AKNAD1: variants seen among roughly 807,000 people sequenced by gnomAD.
The protein encoded by AKNAD1 is AKNA domain containing 1, also known as protein AKNAD1.
Under a neutral mutation model 90.8 loss-of-function variants are expected in AKNAD1, and 67 were observed. The observed-to-expected ratio is 0.74, with a 90% CI of 0.61 to 0.90. AKNAD1 has a LOEUF of 0.90. Ranked by LOEUF, AKNAD1 falls within the 40% of genes least tolerant of loss-of-function variation. The probability of loss-of-function intolerance (pLI) is 0.00; values close to 1 mark genes in which losing one functional copy is unlikely to be tolerated. For synonymous variants in AKNAD1, 327 were observed against 341.4 expected, an observed-to-expected ratio of 0.96 and a Z score of 0.46; for missense variants, 957 against 975.4, an observed-to-expected ratio of 0.98 and a Z score of 0.25.
chr1:108,816,530 A>T (rs1663607053), intron 15 of AKNAD1, among the ~76,000 whole-genome samples: 1 of 152,192 alleles, frequency 6.6e-6, no homozygotes, highest in African/African-American at 2.4e-5. Context: ...ACTGATGAGC[A>T]TGAATCAGAG....
rs111898001 is a variant in AKNAD1, at chr1:108,817,341, A to C, written c.2250-164T>G. On this transcript the variant is annotated intron_variant, in intron 14 of 15. Transcript: ENST00000370001. ...CTCATACTCCCATGTGGCTGACCGCAGCTGGGCTTCAGAAAATGGTTGTTG... is the reference window on the plus strand; with the variant it reads ...CTCATACTCCCATGTGGCTGACCGCCGCTGGGCTTCAGAAAATGGTTGTTG... The C allele has an allele frequency of 8.2e-4, 629 of 769,182 alleles. 3 individuals are homozygous for C. In the African/African-American group the frequency reaches 9.7e-3, roughly 12 times the overall value. 47.6% of individuals were successfully genotyped at this position (769,182 alleles called of 1,614,324 possible).
At chr1:108,847,485 C>T (rs1001051683) in intron 5 of AKNAD1, among the ~76,000 whole-genome samples, 7 of 151,714 alleles carry the variant, frequency 4.6e-5, no homozygotes, top group African/African-American at 1.7e-4. Flanking sequence ...TTCAATGCTG[C>T]CCAATTACTC....
chr1:108,829,844 C>CTTTGGCCGG (rs1191566021), intron 10 of AKNAD1, among the ~76,000 whole-genome samples: 2 of 152,218 alleles, frequency 1.3e-5, no homozygotes, highest in Non-Finnish European at 2.9e-5. Context: ...CCGGAGTCCA[C>CTTTGGCCGG]AGTGAGCTTA....
chr1:108,852,339 A>T lies in AKNAD1; in HGVS notation c.326T>A (p.Ile109Asn), dbSNP rs1280445947. 5 of 1,614,050 alleles carry T rather than the reference A, an allele frequency of 3.1e-6. No homozygotes were observed. The highest frequency in any genetic ancestry group is 3.4e-6 in the Non-Finnish European group (4 of 1,180,026). Residue 109 changes from isoleucine (I) to asparagine (N), a missense_variant, in exon 2 of 16, where the codon ATT (isoleucine) becomes AAT (asparagine). Physicochemically the swap from Ile to Asn is moderately radical, Grantham distance 149. Coordinates refer to ENST00000370001, the MANE Select transcript of AKNAD1 (RefSeq NM_152763.5). Reference protein sequence around the residue: ...ANEGDASKSSISDILLHHLSK... With the variant: ...ANEGDASKSSNSDILLHHLSK... The stretch of plus-strand genomic sequence containing the variant: ...AAGATGATGAAGTAAAATATCAGAA[A>T]TGCTTGACTTAGAAGCGTCTCCTTC...
intron 7 of AKNAD1, 98 bp downstream of exon 7, chr1:108,837,452 T>C (rs762687558): frequency 2.0e-5 from 24 of 1,217,374 alleles, no homozygotes; most frequent in Non-Finnish European, 2.7e-5. Flanking sequence ...TCATGAGATA[T>C]TAAAAATGGA....
chr1:108,846,147 T>C (rs1664695420), intron 5 of AKNAD1, among the ~76,000 whole-genome samples: 1 of 152,162 alleles, frequency 6.6e-6, no homozygotes, highest in African/African-American at 2.4e-5. Context: ...ATCCAAATGC[T>C]TTCTGCTGTG....
At position 108,852,481 on chromosome 1, in the gene AKNAD1, C is replaced by T. The variant is rs530420487; in HGVS notation, c.184G>A (p.Glu62Lys). ...GTCACAGCTGTATTTCCACAAGTCT[C>T]ACTATGCATAGCCTTCTCTTGAGGG... is the stretch of plus-strand genomic sequence containing the variant. ...DDPQEKAMHS[E>K]TCGNTAVTIP... The change falls in exon 2 of 16, where the codon GAG becomes AAG. Residue 62 changes from glutamate to lysine, a missense_variant. Transcript: ENST00000370001. 51 of 1,613,928 alleles carry T rather than the reference C, an allele frequency of 3.2e-5. No individual in the cohort carries two copies. In the South Asian group the frequency reaches 5.4e-4, roughly 17 times the overall value.
Position 108,817,129 on chromosome 1 carries a change from G to A in AKNAD1, c.2298C>T (p.Pro766=), listed in dbSNP as rs1482077890. Residue 766 remains proline, a synonymous_variant, in exon 15 of 16, where the codon CCC becomes CCT. Transcript: ENST00000370001. The part of the protein sequence containing the change: ...FMTYSSDPAT[P]SPHFYSCRIS... The stretch of plus-strand genomic sequence containing the variant: ...TCCTGCAGGAGTAGAAATGGGGTGA[G>A]GGTGTTGCAGGGTCTGAGCTGTAGG... The A allele has an allele frequency of 1.9e-6, 3 of 1,613,980 alleles. No individual in the cohort carries two copies. The highest frequency in any genetic ancestry group is 3.3e-5 in the Admixed American group (2 of 59,998).
At chr1:108,840,699 T>C (rs185147210) in intron 6 of AKNAD1, among the ~76,000 whole-genome samples, 2 of 152,336 alleles carry the variant, frequency 1.3e-5, no homozygotes, top group East Asian at 3.8e-4. Context: ...GGAGGTTTTG[T>C]ATCTGATATA....
chr1:108,830,688 G>T, intron 9 of AKNAD1, 38 bp from the exon 10 acceptor site: 1 of 1,602,934 alleles, frequency 6.2e-7, no homozygotes. Flanking sequence ...TGTGATAGAG[G>T]ATGTGACTCA....
At chr1:108,836,065 C>A (rs544029591) in intron 7 of AKNAD1, among the ~76,000 whole-genome samples, 2 of 152,272 alleles carry the variant, frequency 1.3e-5, no homozygotes, top group South Asian at 4.1e-4. Context: ...ATGAAGGATG[C>A]CAGCACTAGA....
intron 3 of AKNAD1, among the ~76,000 whole-genome samples, 160 bp downstream of exon 3, chr1:108,849,377 G>A (rs146859148): frequency 2.0e-5 from 3 of 152,188 alleles, no homozygotes; most frequent in African/African-American, 7.2e-5. Flanking sequence ...TACTCGGGAG[G>A]ATGAGGTGGG....
chr1:108,832,671 C>G (rs1263669985), intron 9 of AKNAD1, among the ~76,000 whole-genome samples: 1 of 152,042 alleles, frequency 6.6e-6, no homozygotes, highest in East Asian at 1.9e-4. Context: ...ATGGTGGTTT[C>G]AGTTTTGTAA....
chr1:108,839,081 A>G (rs1336826476), intron 6 of AKNAD1, among the ~76,000 whole-genome samples: 2 of 152,232 alleles, frequency 1.3e-5, no homozygotes, highest in Non-Finnish European at 2.9e-5. Context: ...TAAATCAAGT[A>G]TATGCAGACC....
chr1:108,853,559 A>G (rs12129783), intron 1 of AKNAD1, among the ~76,000 whole-genome samples: 5,221 of 151,692 alleles, frequency 0.034, 91 homozygotes, highest in Non-Finnish European at 0.046. Flanking sequence ...GTGCCTTTTC[A>G]CCTGTCCCTC....
intron 10 of AKNAD1, among the ~76,000 whole-genome samples, chr1:108,828,455 C>T (rs1486252253): frequency 6.6e-6 from 1 of 151,742 alleles, no homozygotes; most frequent in Non-Finnish European, 1.5e-5. Flanking sequence ...TCCTGGGATA[C>T]AGTCATAGCC....
intron 11 of AKNAD1, among the ~76,000 whole-genome samples, chr1:108,825,755 CT>C (rs5776949): frequency 0.58 from 87,577 of 150,372 alleles, 26,437 homozygotes; most frequent in African/African-American, 0.64. Context: ...TTCCAAGGCG[CT>C]TTTTTTTTAG....
At chr1:108,824,725 T>TA (rs1663940413) in intron 11 of AKNAD1, among the ~76,000 whole-genome samples, 1 of 151,542 alleles carries the variant, frequency 6.6e-6, no homozygotes, top group Non-Finnish European at 1.5e-5. Context: ...GTTTTGTTTT[T>TA]ATGTTTAAAT....
Position 108,852,702 on chromosome 1 carries a change from G to T in AKNAD1, c.-38C>A. 6.6e-7 allele frequency: 1 copy of T among 1,524,524 alleles called. No homozygotes were observed. The highest frequency in any genetic ancestry group is 1.3e-5 in the South Asian group (1 of 75,978). The allele number at this position is 1,524,524 out of a possible 1,614,324, so 94.4% of individuals were successfully genotyped here. A position where few individuals can be genotyped will look rare whatever the true frequency, so the allele number is the denominator to read the frequency against. On this transcript the variant is annotated 5_prime_UTR_variant, in exon 2 of 16. Transcript: ENST00000370001. The stretch of plus-strand genomic sequence containing the variant: ...CGATCGCTCTCGTCCTCTGCCTCCT[G>T]AGCTGGCTGCTGTCAGTTGTAACAA...
Sources: gnomAD v4.1 joint callset for allele counts (sites outside exome capture counted in the v4.1 genomes callset) on GRCh38, gnomAD v4.1.1 for gene constraint, MANE v1.5 for transcripts, NCBI Gene and HGNC (gene_info 2026-07-23, HGNC 2026-07-21) for gene names.